The following SIPA1L1 variants were observed in gnomAD, a reference collection of about 807,000 sequenced individuals.
The protein encoded by SIPA1L1 is signal-induced proliferation-associated 1-like protein 1.
Under a neutral mutation model 162.7 loss-of-function variants are expected in SIPA1L1, and 26 were observed. The observed-to-expected ratio is 0.16, with a 90% confidence interval of 0.12 to 0.22. The LOEUF (loss-of-function observed/expected upper bound fraction) is 0.22. SIPA1L1 is among the 10% of genes least tolerant of loss of function. The pLI, the probability that SIPA1L1 is intolerant of heterozygous loss-of-function variation, is 1.00. For missense variants in SIPA1L1, 1,874 were observed against 2,241.0 expected (o/e 0.84, Z 3.31); for synonymous variants, 829 against 837.4 (o/e 0.99, Z 0.17).
At chr14:71,590,117 A>G (rs1304307114) in intron 5 of SIPA1L1, among the ~76,000 whole-genome samples, 1 of 148,768 alleles carries the variant, frequency 6.7e-6, no homozygotes, top group East Asian at 1.9e-4. Context: ...ATACACACAT[A>G]TATATTTGAG....
At chr14:71,541,272 A>G (rs929180189) in intron 4 of SIPA1L1, among the ~76,000 whole-genome samples, 1 of 152,240 alleles carries the variant, frequency 6.6e-6, no homozygotes, top group Non-Finnish European at 1.5e-5. Flanking sequence ...GGATGAGTAC[A>G]TTAACCAAGA....
In SIPA1L1 at chr14:71,646,925, C is replaced by T. The variant is rs556825815; in HGVS notation, c.1819-3410C>T. On this transcript the variant is annotated intron_variant, in intron 7 of 23. Coordinates refer to ENST00000381232, the MANE Select transcript of SIPA1L1 (RefSeq NM_001386936.1). ...CAATAAATACTGTTTTATATAACCTCAAAGCAATCCAAAATCCCCACATCA... is the reference window on the plus strand; with the variant it reads ...CAATAAATACTGTTTTATATAACCTTAAAGCAATCCAAAATCCCCACATCA... Among the ~76,000 whole-genome samples, 92 of 152,266 alleles carry T rather than the reference C, an allele frequency of 6.0e-4. 2 individuals carry two copies. The South Asian group carries it at 0.017, about 28-fold the overall frequency.
intron 7 of SIPA1L1, among the ~76,000 whole-genome samples, chr14:71,648,247 G>A (rs1312754220): frequency 6.6e-6 from 1 of 152,122 alleles, no homozygotes; most frequent in Non-Finnish European, 1.5e-5. Context: ...CCAAGATTGC[G>A]CCATTGCAAT....
chr14:71,650,254 CCCTATAGGA>C (rs2042511556), intron 7 of SIPA1L1, 72 bp from the exon 8 acceptor site: 2 of 1,375,864 alleles, frequency 1.5e-6, no homozygotes, highest in African/African-American at 1.4e-5. Flanking sequence ...TGGGCATGTG[CCCTATAGGA>C]CCTTTTAGCA....
intron 3 of SIPA1L1, among the ~76,000 whole-genome samples, chr14:71,516,748 G>A (rs374505568): frequency 3.3e-5 from 5 of 151,950 alleles, no homozygotes; most frequent in East Asian, 1.9e-4. Context: ...TGAGGCAGGC[G>A]GATTGCTTGA....
At chr14:71,323,792 T>A (rs924889605) in intron 2 of SIPA1L1, among the ~76,000 whole-genome samples, 14 of 152,238 alleles carry the variant, frequency 9.2e-5, no homozygotes, top group Non-Finnish European at 1.9e-4. Flanking sequence ...CACTTTTGGT[T>A]TCTGTGATTA....
At chr14:71,378,616 A>G (rs914446650) in intron 2 of SIPA1L1, among the ~76,000 whole-genome samples, 1 of 152,026 alleles carries the variant, frequency 6.6e-6, no homozygotes, top group Non-Finnish European at 1.5e-5. Flanking sequence ...GTCTTTTTCA[A>G]TTGCCACATT....
chr14:71,361,311 A>G (rs1206410993), intron 2 of SIPA1L1, among the ~76,000 whole-genome samples: 1 of 152,200 alleles, frequency 6.6e-6, no homozygotes, highest in Non-Finnish European at 1.5e-5. Flanking sequence ...TGGTAAAATT[A>G]AGAGTATTAC....
intron 4 of SIPA1L1, among the ~76,000 whole-genome samples, chr14:71,544,207 AC>A (rs1359640182): frequency 1.4e-5 from 2 of 145,464 alleles, no homozygotes; most frequent in Non-Finnish European, 3.1e-5. Flanking sequence ...GCATGTATGC[AC>A]ATGCATGTGT....
chr14:71,576,998 G>A (rs1485074683), intron 4 of SIPA1L1, among the ~76,000 whole-genome samples: 2 of 150,274 alleles, frequency 1.3e-5, no homozygotes, highest in Non-Finnish European at 2.9e-5. Flanking sequence ...CAGGAGAATC[G>A]CTTGAACCTG....
chr14:71,691,052 A>C (rs529312060), intron 13 of SIPA1L1, among the ~76,000 whole-genome samples: 2 of 152,138 alleles, frequency 1.3e-5, no homozygotes, highest in African/African-American at 2.4e-5. Context: ...TTCGTTATCA[A>C]CTTCCCCTCA....
At chr14:71,705,979 T>C (rs2082408871) in intron 16 of SIPA1L1, among the ~76,000 whole-genome samples, 1 of 152,128 alleles carries the variant, frequency 6.6e-6, no homozygotes, top group Non-Finnish European at 1.5e-5. Flanking sequence ...ATGCAGTTGA[T>C]TTCCTTGGTG....
At chr14:71,450,838 A>G (rs903476032) in intron 2 of SIPA1L1, among the ~76,000 whole-genome samples, 5 of 152,210 alleles carry the variant, frequency 3.3e-5, no homozygotes, top group African/African-American at 4.8e-5. Flanking sequence ...ATGCAAAACA[A>G]TATGGAGGTT....
chr14:71,492,260 G>A (rs1435897981), intron 2 of SIPA1L1, among the ~76,000 whole-genome samples: 1 of 152,156 alleles, frequency 6.6e-6, no homozygotes, highest in African/African-American at 2.4e-5. Context: ...GGGAGATGAG[G>A]CAGGAGAGAA....
chr14:71,737,463 G>A (rs559836318), intron 22 of SIPA1L1, among the ~76,000 whole-genome samples: 1 of 152,150 alleles, frequency 6.6e-6, no homozygotes, highest in Non-Finnish European at 1.5e-5. Flanking sequence ...TCAGGTAGAG[G>A]AGAGTGTGGC....
At chr14:71,497,375 A>G (rs1050598920) in intron 2 of SIPA1L1, among the ~76,000 whole-genome samples, 5 of 152,086 alleles carry the variant, frequency 3.3e-5, no homozygotes, top group Admixed American at 1.3e-4. Flanking sequence ...ATACACATAT[A>G]CAATCCCAGG....
intron 2 of SIPA1L1, among the ~76,000 whole-genome samples, chr14:71,327,372 C>T (rs1220302088): frequency 6.6e-6 from 1 of 152,214 alleles, no homozygotes; most frequent in East Asian, 1.9e-4. Context: ...GCATGAGCAC[C>T]CGGCCTGAAC....
At chr14:71,617,525 T>C (rs1422697450) in intron 5 of SIPA1L1, among the ~76,000 whole-genome samples, 3 of 152,240 alleles carry the variant, frequency 2.0e-5, no homozygotes, top group African/African-American at 7.2e-5. Context: ...ATGATAATAG[T>C]CTTAGAGAGC....
chr14:71,541,552 A>G (rs2054385530), intron 4 of SIPA1L1, among the ~76,000 whole-genome samples: 1 of 152,196 alleles, frequency 6.6e-6, no homozygotes, highest in Non-Finnish European at 1.5e-5. Flanking sequence ...GCTTGAGCCC[A>G]GGAGTTTGAG....
Sources: allele counts gnomAD v4.1 joint callset (sites outside exome capture counted in the v4.1 genomes callset), GRCh38; gene constraint gnomAD v4.1.1; transcripts MANE v1.5; gene names NCBI Gene and HGNC (gene_info 2026-07-23, HGNC 2026-07-21).